ZNF540: variants seen among roughly 807,000 people sequenced by gnomAD.
ZNF540 encodes CTD-3064H18.6.
Under a neutral mutation model 11.8 loss-of-function variants are expected in ZNF540, and 3 were observed. The observed-to-expected ratio is 0.25, with a 90% confidence interval of 0.12 to 0.65. The LOEUF is 0.65. Among genes scored for constraint, ZNF540 ranks in the 30% least tolerant of loss-of-function variants. The pLI, the probability that ZNF540 is intolerant of heterozygous loss-of-function variation, is 0.83. For synonymous variants in ZNF540, 247 were observed against 259.0 expected (o/e 0.95, Z 0.45); for missense variants, 709 against 793.1 (o/e 0.89, Z 1.27).
At chr19:37,563,831 A>T (rs530120556) in intron 1 of ZNF540, 98 of 148,728 alleles carry the variant, frequency 6.6e-4, no homozygotes, top group Non-Finnish European at 1.2e-3. Context: ...TATATTCCAC[A>T]TACACACATG....
intron 1 of ZNF540, chr19:37,575,397 A>G (rs898728700): frequency 5.9e-5 from 9 of 152,218 alleles, no homozygotes; most frequent in Admixed American, 2.6e-4. Context: ...TTTACCATAC[A>G]AATACTGTTC....
At chr19:37,584,015 T>C in intron 1 of ZNF540, 1 of 1,614,062 alleles carries the variant, frequency 6.2e-7, no homozygotes, top group Non-Finnish European at 8.5e-7. Flanking sequence ...CACATCCCTG[T>C]ACAAGTCCCT....
chr19:37,575,462 G>A (rs973187461), intron 1 of ZNF540: 1 of 152,116 alleles, frequency 6.6e-6, no homozygotes. Flanking sequence ...ATTATTCACA[G>A]TACATTCAGT....
In ZNF540 at chr19:37,613,542, G is replaced by C. The variant is rs2044149956; in HGVS notation, c.*279G>C. The C allele has an allele frequency of 2.5e-6, 1 of 393,778 alleles. No homozygotes were observed. The allele number at this position is 393,778 out of a possible 1,614,324, so 24.4% of individuals were successfully genotyped here. ...CTGTGTGATATTAGACAAAATATTT[G>C]CTTCTTGGTACCTCAGCTGTAAAAT... On this transcript the variant is annotated 3_prime_UTR_variant, in exon 5 of 5. Coordinates refer to ENST00000316433, the MANE Select transcript of ZNF540 (RefSeq NM_001172225.3).
At chr19:37,608,294 T>C (rs890452230) in intron 4 of ZNF540, among the ~76,000 whole-genome samples, 2 of 152,342 alleles carry the variant, frequency 1.3e-5, no homozygotes, top group Non-Finnish European at 2.9e-5. Flanking sequence ...GTGCAGAGAC[T>C]CTCAGCTGTG....
At chr19:37,578,606 C>T (rs961043817) in intron 1 of ZNF540, among the ~76,000 whole-genome samples, 9 of 152,204 alleles carry the variant, frequency 5.9e-5, no homozygotes, top group African/African-American at 2.2e-4. Context: ...GGTCAGAATG[C>T]CCAGCCCCTC....
Position 37,552,929 on chromosome 19 carries a change from G to A in ZNF540, c.-73+1264G>A, listed in dbSNP as rs143187460. On this transcript the variant is annotated intron_variant, in intron 1 of 4. Coordinates refer to the ZNF540 transcript ENST00000592533. ...ACCACTGCACTCCAGCCTGGGTGACGGGGTGAGACTCTGTCTCGAACAAAA... is the reference window on the plus strand; with the variant it reads ...ACCACTGCACTCCAGCCTGGGTGACAGGGTGAGACTCTGTCTCGAACAAAA... 2.5e-3 allele frequency among the ~76,000 whole-genome samples: 374 copies of A among 151,792 alleles called. 1 individual carries two copies. Among genetic ancestry groups the A allele is most frequent in the Non-Finnish European group, 4.0e-3 (270 of 67,954 alleles).
chr19:37,593,191 T>C (rs1167801340), upstream of ZNF540, among the ~76,000 whole-genome samples: 3 of 152,102 alleles, frequency 2.0e-5, no homozygotes, highest in Non-Finnish European at 4.4e-5. Context: ...TTTTTGGTAA[T>C]ATATGCTTAT....
upstream of ZNF540, among the ~76,000 whole-genome samples, chr19:37,589,864 CAAAAAAAAAAAA>C (rs60136941): frequency 3.4e-5 from 1 of 29,590 alleles, no homozygotes; most frequent in Non-Finnish European, 5.5e-5. Flanking sequence ...GACTCCATCT[CAAAAAAAAAAAA>C]AAAAAAAAAA....
intron 1 of ZNF540, chr19:37,566,245 T>C: frequency 6.2e-7 from 1 of 1,613,578 alleles, no homozygotes; most frequent in Non-Finnish European, 8.5e-7. Flanking sequence ...TTTCATAAAT[T>C]TCCTTTTCTG....
At chr19:37,553,104 A>G (rs2042624647) in intron 1 of ZNF540, among the ~76,000 whole-genome samples, 1 of 80,398 alleles carries the variant, frequency 1.2e-5, no homozygotes, top group African/African-American at 4.4e-5. Flanking sequence ...TTTTTATATA[A>G]CCTAACATCT....
Position 37,612,442 on chromosome 19 carries a change from T to G in ZNF540, c.1162T>G (p.Cys388Gly), listed in dbSNP as rs1388119130. ...TAAGAAACCTTATGAATGTAAGGAG[T>G]GTGGGAAATCATTTAATGTGCGTGG... is the stretch of plus-strand genomic sequence containing the variant. ...AGKKPYECKE[C>G]GKSFNVRGQL... Residue 388 changes from cysteine to glycine, a missense_variant, in exon 5 of 5, where the codon TGT becomes GGT. Coordinates refer to ENST00000316433, the MANE Select transcript of ZNF540 (RefSeq NM_001172225.3). The G allele has an allele frequency of 6.2e-7, 1 of 1,613,438 alleles. No individual in the cohort carries two copies. Among genetic ancestry groups the G allele is most frequent in the Non-Finnish European group, 8.5e-7 (1 of 1,179,884 alleles).
intron 1 of ZNF540, among the ~76,000 whole-genome samples, chr19:37,580,669 GCT>G (rs2043424603): frequency 6.6e-6 from 1 of 152,012 alleles, no homozygotes; most frequent in African/African-American, 2.4e-5. Flanking sequence ...CTGAGCTCTC[GCT>G]CTACTAGTTC....
chr19:37,596,828 G>A (rs921504561), intron 1 of ZNF540, among the ~76,000 whole-genome samples: 10 of 152,078 alleles, frequency 6.6e-5, no homozygotes, highest in East Asian at 3.9e-4. Flanking sequence ...CAATGTTCCC[G>A]TGTTGTAAAT....
chr19:37,566,033 A>AGGCC (rs747204694), intron 1 of ZNF540: 7 of 1,613,956 alleles, frequency 4.3e-6, no homozygotes, highest in Non-Finnish European at 5.9e-6. Context: ...CTTGGTAGGA[A>AGGCC]TTATCCGATG....
At chr19:37,560,656 T>C (rs2042706642) in intron 1 of ZNF540, 1 of 152,056 alleles carries the variant, frequency 6.6e-6, no homozygotes, top group Non-Finnish European at 1.5e-5. Context: ...GGCGTGAATG[T>C]AATGATTTTT....
At chr19:37,564,333 AAC>A (rs953548094) in intron 1 of ZNF540, 17 of 306,386 alleles carry the variant, frequency 5.5e-5, no homozygotes, top group African/African-American at 1.7e-4. Flanking sequence ...AATAGAAAAG[AAC>A]ACACAAGAAA....
chr19:37,564,985 C>T, intron 1 of ZNF540: 1 of 1,613,658 alleles, frequency 6.2e-7, no homozygotes, highest in Non-Finnish European at 8.5e-7. Flanking sequence ...GTACAAAGGT[C>T]TTCCCACATT....
chr19:37,604,465 G>A (rs1195968092), intron 4 of ZNF540, among the ~76,000 whole-genome samples: 4 of 151,430 alleles, frequency 2.6e-5, no homozygotes. Context: ...CCACCACCAC[G>A]CCTGGCTAAG....
Sources: allele counts gnomAD v4.1 joint callset (sites outside exome capture counted in the v4.1 genomes callset), GRCh38; gene constraint gnomAD v4.1.1; transcripts MANE v1.5; gene names NCBI Gene and HGNC (gene_info 2026-07-23, HGNC 2026-07-21).